MRPL10: variants seen among roughly 807,000 people sequenced by gnomAD.
MRPL10 encodes the protein large ribosomal subunit protein uL10m.
MRPL10 carries 14 observed loss-of-function variants against 19.8 expected under a neutral mutation model. That is an observed-to-expected ratio of 0.71 (90% CI 0.47 to 1.11). The LOEUF is 1.11. Ranked by LOEUF, MRPL10 falls within the 50% of genes least tolerant of loss-of-function variation. MRPL10 has a pLI of 0.00. For missense variants in MRPL10, 318 were observed against 339.6 expected (o/e 0.94, Z 0.50); for synonymous variants, 129 against 139.2 (o/e 0.93, Z 0.52).
In MRPL10 at chr17:47,824,365, C is replaced by G. The variant is rs2033495623; in HGVS notation, c.626G>C (p.Gly209Ala). ...SLPLVQGELV[G>A]GLTCLTAQTH... ...CTGGGCTGTGAGGCAGGTGAGGCCT[C>G]CTACAAGCTCCCCCTGCACCAGGGG... Residue 209 changes from glycine to alanine, a missense_variant, in exon 5 of 5, where the codon GGA becomes GCA. Coordinates refer to ENST00000351111, the MANE Select transcript of MRPL10 (RefSeq NM_145255.4). The G allele has an allele frequency of 6.2e-7, 1 of 1,612,120 alleles. No homozygotes were observed. Among genetic ancestry groups the G allele is most frequent in the Non-Finnish European group, 8.5e-7 (1 of 1,178,730 alleles).
intron 2 of MRPL10, 70 bp from the exon 3 acceptor site, chr17:47,827,274 G>T: frequency 6.9e-7 from 1 of 1,450,414 alleles, no homozygotes; most frequent in Non-Finnish European, 9.4e-7. Context: ...CTCCCTCTGT[G>T]GTAGGTTCTA....
Position 47,824,131 on chromosome 17 carries a change from C to T in MRPL10, c.*74G>A. On this transcript the variant is annotated 3_prime_UTR_variant, in exon 5 of 5. Coordinates refer to ENST00000351111, the MANE Select transcript of MRPL10 (RefSeq NM_145255.4). ...CACACTCCCCGACCCCAAGTTCTTC[C>T]ACATGTCCCATTGAGGAGAGCACAG... 1 of 1,597,522 alleles carries T rather than the reference C, an allele frequency of 6.3e-7. No homozygotes were observed. Among genetic ancestry groups the T allele is most frequent in the Non-Finnish European group, 8.5e-7 (1 of 1,169,774 alleles).
rs1233312516 is a variant in MRPL10 at position 47,824,332 on chromosome 17, GA to G, written c.658del (p.Ser220ProfsTer10). ...CTGGAGGGGCTGGTGCTGGAGCAGG[GA>G]GTGGGTCTGGGCTGTGAGGCAGGTG... ...GLTCLTAQTHSLLQHQPLQLT... is the reference protein window; with the variant it reads ...GLTCLTAQTHXLLQHQPLQLT... On this transcript the variant is annotated frameshift_variant, in exon 5 of 5. Transcript: ENST00000351111. LOFTEE classifies it low-confidence loss of function (END_TRUNC). 6.2e-7 allele frequency: 1 copy of G among 1,614,100 alleles called. No homozygotes were observed. Among genetic ancestry groups the G allele is most frequent in the African/African-American group, 1.3e-5 (1 of 75,038 alleles).
In MRPL10 at chr17:47,828,508, G is replaced by C. The variant is rs147331240; in HGVS notation, c.215C>G (p.Pro72Arg). ...ACCCAAATTCCTCCTTACCTCCTGT[G>C]GGGGGCTGGGAGGAGATGGCAGGCA... ...PSCLPSPPSP[P>R]QEEIGLIRLL... The change falls in exon 2 of 5, where the codon CCA (proline) becomes CGA (arginine). Residue 72 changes from proline (P) to arginine (R), a missense_variant. Transcript: ENST00000351111. 1.1e-4 allele frequency: 154 copies of C among 1,433,308 alleles called. No individual in the cohort carries two copies. Among genetic ancestry groups the C allele is most frequent in the Middle Eastern group, 9.1e-4 (5 of 5,494 alleles). 88.8% of individuals were successfully genotyped at this position (1,433,308 alleles called of 1,614,324 possible). A position where few individuals can be genotyped will look rare whatever the true frequency, so the allele number is the denominator to read the frequency against.
At position 47,826,670 on chromosome 17, in the gene MRPL10, T is replaced by G. The variant is rs2033537478; in HGVS notation, c.499A>C (p.Ile167Leu). The G allele has an allele frequency of 1.2e-6, 2 of 1,614,024 alleles. No individual in the cohort carries two copies. The highest frequency in any genetic ancestry group is 1.7e-5 in the Admixed American group (1 of 60,020). ...GGCAGGAATGGCACAGTCCTTAAGA[T>G]CCGTACCATCTCCTTGACCTTGGGC... is the stretch of plus-strand genomic sequence containing the variant. ...EEPKVKEMVR[I>L]LRTVPFLPLL... The change falls in exon 4 of 5, where the codon ATC becomes CTC. Residue 167 changes from isoleucine (I) to leucine (L), a missense_variant. Transcript: ENST00000351111.
chr17:47,827,894 C>CAAAAAAA lies in MRPL10; in HGVS notation c.222+600_222+606dup, dbSNP rs60303077. Among the ~76,000 whole-genome samples the CAAAAAAA allele has an allele frequency of 1.4e-3, 65 of 45,706 alleles. 7 individuals are homozygous for CAAAAAAA. Among genetic ancestry groups the CAAAAAAA allele is most frequent in the African/African-American group, 6.4e-3 (63 of 9,874 alleles). 30.0% of individuals were successfully genotyped at this position (45,706 alleles called of 152,430 possible). On this transcript the variant is annotated intron_variant, in intron 2 of 4. Coordinates refer to ENST00000351111, the MANE Select transcript of MRPL10 (RefSeq NM_145255.4). ...CCTGGGTGACAGAGACTCTGTCTCA[C>CAAAAAAA]AAAAAAAAAAAAAAAAAAAAAAAAA... is the stretch of plus-strand genomic sequence containing the variant.
chr17:47,828,190 C>A, intron 2 of MRPL10: 1 of 189,352 alleles, frequency 5.3e-6, no homozygotes, highest in Non-Finnish European at 1.1e-5. Flanking sequence ...GCAACAAGAG[C>A]GATACTCCAT....
At chr17:47,826,563 T>G in intron 4 of MRPL10, 74 bp downstream of exon 4, 1 of 1,578,586 alleles carries the variant, frequency 6.3e-7, no homozygotes, top group South Asian at 1.1e-5. Flanking sequence ...TTCACGGTTT[T>G]ACCAAGACAA....
At position 47,824,360 on chromosome 17, in the gene MRPL10, G is replaced by C. The variant is rs1309012707; in HGVS notation, c.631C>G (p.Leu211Val). 3 of 1,612,876 alleles carry C rather than the reference G, an allele frequency of 1.9e-6. No individual in the cohort carries two copies. The highest frequency in any genetic ancestry group is 2.5e-6 in the Non-Finnish European group (3 of 1,179,160). Residue 211 changes from leucine (L) to valine (V), a missense_variant, in exon 5 of 5, where the codon CTC becomes GTC. Physicochemically the swap from Leu to Val is conservative, Grantham distance 32 (BLOSUM62 1). Transcript: ENST00000351111. ...TGGGTCTGGGCTGTGAGGCAGGTGA[G>C]GCCTCCTACAAGCTCCCCCTGCACC... ...PLVQGELVGG[L>V]TCLTAQTHSL...
chr17:47,825,261 G>A (rs1474015535), intron 4 of MRPL10, among the ~76,000 whole-genome samples: 1 of 149,582 alleles, frequency 6.7e-6, no homozygotes, highest in Non-Finnish European at 1.5e-5. Context: ...CCTGGGAGGC[G>A]GAGGTTGCAG....
chr17:47,824,325 G>A lies in MRPL10; in HGVS notation c.666C>T (p.Leu222=). The A allele has an allele frequency of 1.2e-6, 2 of 1,614,112 alleles. No individual in the cohort carries two copies. The highest frequency in any genetic ancestry group is 1.7e-6 in the Non-Finnish European group (2 of 1,180,008). Residue 222 remains leucine, a synonymous_variant, in exon 5 of 5, where the codon CTC becomes CTT. Transcript: ENST00000351111. ...TCLTAQTHSL[L]QHQPLQLTTL... The stretch of plus-strand genomic sequence containing the variant: ...TGGTCAGCTGGAGGGGCTGGTGCTG[G>A]AGCAGGGAGTGGGTCTGGGCTGTGA...
chr17:47,825,182 A>C (rs2033512313), intron 4 of MRPL10, among the ~76,000 whole-genome samples: 1 of 152,004 alleles, frequency 6.6e-6, no homozygotes, highest in Non-Finnish European at 1.5e-5. Context: ...TACAAAAATT[A>C]GCCAGGCATG....
At position 47,827,193 on chromosome 17, in the gene MRPL10, G is replaced by A; in HGVS notation, c.234C>T (p.Leu78=). The change falls in exon 3 of 5, where the codon CTC becomes CTT. Residue 78 remains leucine, a synonymous_variant. Transcript: ENST00000351111. The stretch of plus-strand genomic sequence containing the variant: ...CTATCTCCCGGCGGAGAAGCCTGAT[G>A]AGGCCTATCTCCTGAAGTTGGAAAG... ...PPSPPQEEIG[L]IRLLRREIAA... 3 of 1,609,738 alleles carry A rather than the reference G, an allele frequency of 1.9e-6. No individual in the cohort carries two copies. The highest frequency in any genetic ancestry group is 2.5e-6 in the Non-Finnish European group (3 of 1,177,776).
In MRPL10 at chr17:47,831,460, C is replaced by T; in HGVS notation, c.52G>A (p.Gly18Ser). ...MLRGGLLPQA[G>S]RLPTLQTVRY... ...CGTGAGGACCTGGGCCACTCCTTAC[C>T]CGCCTGGGGCAGGAGACCCCCTCGC... The change falls in exon 1 of 5, where the codon GGC (glycine) becomes AGC (serine). Residue 18 changes from glycine (G) to serine (S), a missense_variant and splice_region_variant. Gly to Ser is a moderately conservative substitution (Grantham distance 56). Transcript: ENST00000351111. 6.5e-7 allele frequency: 1 copy of T among 1,548,904 alleles called. No individual in the cohort carries two copies. The highest frequency in any genetic ancestry group is 8.7e-7 in the Non-Finnish European group (1 of 1,146,772).
At position 47,831,516 on chromosome 17, in the gene MRPL10, A is replaced by C; in HGVS notation, c.-5T>G. On this transcript the variant is annotated 5_prime_UTR_variant, in exon 1 of 5. Coordinates refer to ENST00000351111, the MANE Select transcript of MRPL10 (RefSeq NM_145255.4). ...CCCCGCCACGGCCGCAGCCATCTCC[A>C]CCGGAAGAATGGACGGAAGCCGAGT... is the stretch of plus-strand genomic sequence containing the variant. 2 of 1,550,004 alleles carry C rather than the reference A, an allele frequency of 1.3e-6. No individual in the cohort carries two copies. The highest frequency in any genetic ancestry group is 1.7e-6 in the Non-Finnish European group (2 of 1,146,614).
At chr17:47,830,765 C>T (rs1449655537) in intron 1 of MRPL10, among the ~76,000 whole-genome samples, 2 of 152,288 alleles carry the variant, frequency 1.3e-5, no homozygotes, top group South Asian at 4.1e-4. Context: ...CTCAGCCTCC[C>T]AAAGTGCTGG....
chr17:47,824,994 A>G (rs914698955), intron 4 of MRPL10, among the ~76,000 whole-genome samples: 1 of 143,296 alleles, frequency 7.0e-6, no homozygotes, highest in Admixed American at 7.2e-5. Flanking sequence ...AGCCTGGGTG[A>G]CAAGAGCAAA....
Position 47,827,237 on chromosome 17 carries a change from C to A in MRPL10, c.223-33G>T, listed in dbSNP as rs780733925. On this transcript the variant is annotated intron_variant, in intron 2 of 4. Coordinates refer to ENST00000351111, the MANE Select transcript of MRPL10 (RefSeq NM_145255.4). ...TGGAAAGCAATGACCAAGGGTACAT[C>A]AGCTGCCACTTCTCCTGGCAACGTT... 4 of 1,569,748 alleles carry A rather than the reference C, an allele frequency of 2.5e-6. No individual in the cohort carries two copies. The South Asian group carries it at 4.8e-5, about 19-fold the overall frequency.
At position 47,828,737 on chromosome 17, in the gene MRPL10, G is replaced by GA. The variant is rs1465434477; in HGVS notation, c.53-68dup. 7.7e-6 allele frequency: 10 copies of GA among 1,301,504 alleles called. No individual in the cohort carries two copies. In the African/African-American group the frequency reaches 1.1e-4, roughly 14 times the overall value. The allele number at this position is 1,301,504 out of a possible 1,614,324, so 80.6% of individuals were successfully genotyped here. A position where few individuals can be genotyped will look rare whatever the true frequency, so the allele number is the denominator to read the frequency against. On this transcript the variant is annotated intron_variant, in intron 1 of 4. Transcript: ENST00000351111. ...GAGGCCCTAGTTTATCCCAAATGGA[G>GA]AAAAAACACACCCTCTAGCAGAGAA...
Sources: allele counts gnomAD v4.1 joint callset (sites outside exome capture counted in the v4.1 genomes callset), GRCh38; gene constraint gnomAD v4.1.1; transcripts MANE v1.5; gene names NCBI Gene and HGNC (gene_info 2026-07-23, HGNC 2026-07-21).